MAP4K4: variants seen among roughly 807,000 people sequenced by gnomAD.
The protein encoded by MAP4K4 is mitogen-activated protein kinase kinase kinase kinase 4.
MAP4K4 carries 38 observed loss-of-function variants against 189.6 expected under a neutral mutation model. That is an observed-to-expected ratio of 0.20 (90% CI 0.15 to 0.26). The LOEUF is 0.26. Among genes scored for constraint, MAP4K4 ranks in the 10% least tolerant of loss-of-function variants. The pLI is 1.00. For missense variants in MAP4K4, 1,054 were observed against 1,726.9 expected (o/e 0.61, Z 6.91); for synonymous variants, 610 against 624.3 (o/e 0.98, Z 0.34).
exon 1 of MAP4K4, chr2:101,698,047 ATTG>A (rs754643753): frequency 2.3e-6 from 3 of 1,302,130 alleles, no homozygotes; most frequent in East Asian, 1.2e-4. Flanking sequence ...AGAGACATTT[ATTG>A]TTATTTGTTT....
At chr2:101,874,881 A>G (rs1360742016) in intron 26 of MAP4K4, among the ~76,000 whole-genome samples, 1 of 152,180 alleles carries the variant, frequency 6.6e-6, no homozygotes, top group Non-Finnish European at 1.5e-5. Flanking sequence ...TTGTGTTTTG[A>G]AAAGAGTCTT....
chr2:101,794,637 C>T (rs766855079), intron 3 of MAP4K4, among the ~76,000 whole-genome samples: 6 of 152,122 alleles, frequency 3.9e-5, no homozygotes, highest in Non-Finnish European at 8.8e-5. Context: ...CAGTCTTCTA[C>T]GTATCATAAA....
intron 16 of MAP4K4, chr2:101,862,006 A>T (rs2097673769): frequency 6.6e-6 from 1 of 151,852 alleles, no homozygotes; most frequent in African/African-American, 2.4e-5. Context: ...AGGCCGAGGC[A>T]GGCAGATCAC....
rs531446583 is a variant in MAP4K4, at chr2:101,778,456, A to C, written c.124-12264A>C. On this transcript the variant is annotated intron_variant, in intron 2 of 32. Transcript: ENST00000324219. ...ATAGCCCAGGCTTTGCCCACACCAC[A>C]CACAGGGTGGACAGCATGCAGAAGG... 1.1e-4 allele frequency among the ~76,000 whole-genome samples: 17 copies of C among 151,126 alleles called. No individual in the cohort carries two copies. The South Asian group carries it at 3.6e-3, about 32-fold the overall frequency.
chr2:101,831,981 T>C (rs1294144743), intron 7 of MAP4K4, 130 bp downstream of exon 7: 14 of 1,076,362 alleles, frequency 1.3e-5, no homozygotes, highest in Non-Finnish European at 1.6e-5. Context: ...GTGAGGAAAA[T>C]TGCAGGTGCA....
chr2:101,818,069 A>G (rs990106137), intron 3 of MAP4K4, among the ~76,000 whole-genome samples: 1 of 152,148 alleles, frequency 6.6e-6, no homozygotes, highest in Admixed American at 6.5e-5. Context: ...TAAAAAATAA[A>G]TTTGATTAAT....
chr2:101,791,414 C>G (rs189238294), intron 3 of MAP4K4, among the ~76,000 whole-genome samples: 2 of 151,764 alleles, frequency 1.3e-5, no homozygotes, highest in Admixed American at 6.6e-5. Context: ...AATATATGCA[C>G]GAGCCCATAT....
intron 12 of MAP4K4, among the ~76,000 whole-genome samples, chr2:101,849,506 A>G (rs1351957893): frequency 1.3e-5 from 2 of 149,600 alleles, no homozygotes; most frequent in Admixed American, 6.7e-5. Flanking sequence ...GTCTAGTTAA[A>G]TTTTTTTTTG....
In MAP4K4 at chr2:101,848,606, T is replaced by A. The variant is rs139486798; in HGVS notation, c.1233+4295T>A. ...GCAGATGCCACAAAACCAGGCCCAC[T>A]GGGGTTGGGGATTTCTCCTGCCATC... On this transcript the variant is annotated intron_variant, in intron 12 of 32. Transcript: ENST00000324219. 9.1e-3 allele frequency among the ~76,000 whole-genome samples: 1,380 copies of A among 152,276 alleles called. 28 individuals carry two copies. The highest frequency in any genetic ancestry group is 0.032 in the African/African-American group (1,312 of 41,544).
intron 7 of MAP4K4, among the ~76,000 whole-genome samples, chr2:101,832,499 T>A (rs2096620060): frequency 6.6e-6 from 1 of 152,232 alleles, no homozygotes. Context: ...TTAGTATTTA[T>A]TACAAATATC....
At chr2:101,711,270 C>T (rs528275446) in intron 2 of MAP4K4, among the ~76,000 whole-genome samples, 34 of 151,964 alleles carry the variant, frequency 2.2e-4, no homozygotes, top group African/African-American at 7.5e-4. Flanking sequence ...TCTGTAGTTC[C>T]GGTTATATAA....
At chr2:101,846,509 G>T (rs2097114629) in intron 12 of MAP4K4, among the ~76,000 whole-genome samples, 1 of 152,208 alleles carries the variant, frequency 6.6e-6, no homozygotes, top group African/African-American at 2.4e-5. Flanking sequence ...CTAGTGAGAC[G>T]AGTATCCATT....
Position 101,820,033 on chromosome 2 carries a change from A to AT in MAP4K4, c.181-3890dup, listed in dbSNP as rs1213937292. 3.9e-5 allele frequency among the ~76,000 whole-genome samples: 6 copies of AT among 152,348 alleles called. No homozygotes were observed. In the South Asian group the frequency reaches 1.0e-3, roughly 26 times the overall value. ...GTATAAGAACTAAAATGTGTGCTTG[A>AT]TTTTTAACTCAGTGAACTGTGAAAA... On this transcript the variant is annotated intron_variant, in intron 3 of 32. Transcript: ENST00000324219.
At chr2:101,701,533 A>G (rs1208172503) in intron 2 of MAP4K4, among the ~76,000 whole-genome samples, 1 of 152,142 alleles carries the variant, frequency 6.6e-6, no homozygotes, top group Non-Finnish European at 1.5e-5. Context: ...AGAGTAGGGG[A>G]CTTGATCCAG....
Position 101,797,360 on chromosome 2 carries a change from A to G in MAP4K4, c.180+6584A>G, listed in dbSNP as rs143864693. The G allele has an allele frequency of 3.1e-6, 4 of 1,290,798 alleles. No homozygotes were observed. The South Asian group carries it at 3.7e-5, about 12-fold the overall frequency. 80.0% of individuals were successfully genotyped at this position (1,290,798 alleles called of 1,614,324 possible). A position where few individuals can be genotyped will look rare whatever the true frequency, so the allele number is the denominator to read the frequency against. ...TTTGCATGACTCTGGCAGACTTACCACAGGATCATTCAACGTTGTCAGGGT... is the reference window on the plus strand; with the variant it reads ...TTTGCATGACTCTGGCAGACTTACCGCAGGATCATTCAACGTTGTCAGGGT... On this transcript the variant is annotated intron_variant, in intron 3 of 32. Transcript: ENST00000324219.
chr2:101,838,919 G>T (rs1170475410), intron 9 of MAP4K4, among the ~76,000 whole-genome samples: 1 of 152,164 alleles, frequency 6.6e-6, no homozygotes, highest in African/African-American at 2.4e-5. Flanking sequence ...GCCTAGTGTT[G>T]AGCATTGCCT....
intron 2 of MAP4K4, among the ~76,000 whole-genome samples, chr2:101,787,105 G>C (rs1451837678): frequency 1.7e-4 from 26 of 151,992 alleles, no homozygotes; most frequent in Admixed American, 1.7e-3. Context: ...GATGATACAA[G>C]GGAAAAAAAA....
intron 3 of MAP4K4, among the ~76,000 whole-genome samples, chr2:101,821,252 G>C (rs2096038674): frequency 6.6e-6 from 1 of 152,186 alleles, no homozygotes; most frequent in Non-Finnish European, 1.5e-5. Flanking sequence ...GTAGTCATCT[G>C]TCAAAGTCAC....
chr2:101,706,339 G>T (rs2149239802), intron 2 of MAP4K4, among the ~76,000 whole-genome samples: 1 of 152,242 alleles, frequency 6.6e-6, no homozygotes, highest in South Asian at 2.1e-4. Context: ...CCTCCCTTAA[G>T]TGGGCATACC....
Sources: gnomAD v4.1 joint callset for allele counts (sites outside exome capture counted in the v4.1 genomes callset) on GRCh38, gnomAD v4.1.1 for gene constraint, MANE v1.5 for transcripts, NCBI Gene and HGNC (gene_info 2026-07-23, HGNC 2026-07-21) for gene names.